The following SSH1 variants were observed in gnomAD, a reference collection of about 807,000 sequenced individuals.
SSH1 encodes slingshot protein phosphatase 1.
In SSH1, 43 loss-of-function variants were observed where a neutral mutation model predicts 79.7. The observed-to-expected ratio is 0.54, with a 90% CI of 0.42 to 0.70. The LOEUF is 0.70. Ranked by LOEUF, SSH1 falls within the 30% of genes least tolerant of loss-of-function variation. The pLI, the probability that SSH1 is intolerant of heterozygous loss-of-function variation, is 0.00. For missense variants in SSH1, 1,206 were observed against 1,358.8 expected, an observed-to-expected ratio of 0.89 and a Z score of 1.77; for synonymous variants, 599 against 538.3, an observed-to-expected ratio of 1.11 and a Z score of -1.56.
chr12:108,802,553 A>C (rs1274388312), intron 10 of SSH1, among the ~76,000 whole-genome samples, 185 bp from the exon 11 acceptor site: 1 of 152,052 alleles, frequency 6.6e-6, no homozygotes, highest in African/African-American at 2.4e-5. Flanking sequence ...TCAGAGCATG[A>C]GAGGAAGGGA....
rs758099368 is a variant in SSH1 at position 108,788,370 on chromosome 12, G to A, written c.2768C>T (p.Pro923Leu). The A allele has an allele frequency of 6.2e-6, 10 of 1,612,860 alleles. No individual in the cohort carries two copies. Among genetic ancestry groups the A allele is most frequent in the South Asian group, 2.2e-5 (2 of 91,046 alleles). ...GTTGGAGCTCATGGAAGAGGAGGTGGGGGTGTAGCAGATGGTCTTCAGAAA... is the reference window on the plus strand; with the variant it reads ...GTTGGAGCTCATGGAAGAGGAGGTGAGGGTGTAGCAGATGGTCTTCAGAAA... ...KDFLKTICYT[P>L]TSSSMSSNLT... The change falls in exon 15 of 15, where the codon CCC becomes CTC. Residue 923 changes from proline to leucine, a missense_variant. Pro to Leu is a moderately conservative substitution (Grantham distance 98). Coordinates refer to ENST00000326495, the MANE Select transcript of SSH1 (RefSeq NM_018984.4).
At chr12:108,811,508 C>T (rs1181484564) in intron 5 of SSH1, 180 bp from the exon 6 acceptor site, 1 of 668,368 alleles carries the variant, frequency 1.5e-6, no homozygotes, top group African/African-American at 1.8e-5. Context: ...GCCCTGTGGA[C>T]ACAACTCCGT....
intron 1 of SSH1, among the ~76,000 whole-genome samples, chr12:108,853,530 A>G (rs1207219325): frequency 6.6e-6 from 1 of 152,122 alleles, no homozygotes; most frequent in Non-Finnish European, 1.5e-5. Flanking sequence ...GACAGAAATG[A>G]GGCAGGAGCC....
chr12:108,812,945 C>T (rs1044163508), intron 5 of SSH1, among the ~76,000 whole-genome samples: 84 of 151,486 alleles, frequency 5.5e-4, no homozygotes, highest in African/African-American at 1.9e-3. Context: ...TCACTGCAGC[C>T]TCGACCTCCA....
At chr12:108,793,725 A>T (rs2036615221) in intron 13 of SSH1, among the ~76,000 whole-genome samples, 1 of 151,758 alleles carries the variant, frequency 6.6e-6, no homozygotes, top group Admixed American at 6.6e-5. Flanking sequence ...TGTAAGGCAT[A>T]AAAAAAAAGT....
In SSH1 at chr12:108,851,572, G is replaced by A. The variant is rs545765415; in HGVS notation, c.110+1066C>T. Among the ~76,000 whole-genome samples, 14 of 152,124 alleles carry A rather than the reference G, an allele frequency of 9.2e-5. No individual in the cohort carries two copies. The East Asian group carries it at 2.3e-3, about 25-fold the overall frequency. On this transcript the variant is annotated intron_variant, in intron 2 of 14. Coordinates refer to ENST00000326495, the MANE Select transcript of SSH1 (RefSeq NM_018984.4). ...AATACATGATATTAATATAACAAAG[G>A]GCTGAATCTTCCATAAATCAACAAA...
intron 2 of SSH1, among the ~76,000 whole-genome samples, chr12:108,838,157 A>G (rs542509025): frequency 1.3e-5 from 2 of 152,132 alleles, no homozygotes; most frequent in Non-Finnish European, 2.9e-5. Context: ...ATTTTTCTTT[A>G]TCGGTAGGTA....
chr12:108,784,020 G>A lies in SSH1; in HGVS notation c.*3968C>T, dbSNP rs2036202147. 1 of 152,234 alleles carries A rather than the reference G, an allele frequency of 6.6e-6. No individual in the cohort carries two copies. Among genetic ancestry groups the A allele is most frequent in the African/African-American group, 2.4e-5 (1 of 41,450 alleles). 9.4% of individuals were successfully genotyped at this position (152,234 alleles called of 1,614,324 possible). Reference sequence around the variant, plus strand: ...GCCCTGCTAGGTGGCCAGCCAATGAGAAGAGTTTTGGGCAAAATGTATTCT... The same window carrying A: ...GCCCTGCTAGGTGGCCAGCCAATGAAAAGAGTTTTGGGCAAAATGTATTCT... On this transcript the variant is annotated 3_prime_UTR_variant, in exon 15 of 15. Transcript: ENST00000326495.
chr12:108,825,995 C>CA, intron 2 of SSH1: 1 of 400,940 alleles, frequency 2.5e-6, no homozygotes, highest in South Asian at 1.8e-5. Flanking sequence ...GTTCCAAACT[C>CA]ATGAAACCTA....
chr12:108,826,808 C>A (rs544233391), intron 2 of SSH1, among the ~76,000 whole-genome samples: 2 of 152,314 alleles, frequency 1.3e-5, no homozygotes, highest in South Asian at 4.1e-4. Context: ...GGTGATGGCA[C>A]GCTCACTTTA....
chr12:108,853,389 T>C (rs1593139879), intron 1 of SSH1: 2 of 978,174 alleles, frequency 2.0e-6, no homozygotes, highest in Non-Finnish European at 2.4e-6. Context: ...AGGAAACACA[T>C]ACACACCCCC....
chr12:108,814,620 G>A (rs2037796703), intron 5 of SSH1, among the ~76,000 whole-genome samples: 1 of 152,194 alleles, frequency 6.6e-6, no homozygotes. Context: ...GTTCCCATCA[G>A]GCCCCTGCTC....
intron 14 of SSH1, chr12:108,792,006 A>G (rs1288687417): frequency 7.1e-7 from 1 of 1,401,928 alleles, no homozygotes. Context: ...TGAATAAGGT[A>G]CATGGGGTGA....
intron 13 of SSH1, among the ~76,000 whole-genome samples, chr12:108,795,984 T>TG (rs2036735248): frequency 6.6e-6 from 1 of 152,078 alleles, no homozygotes; most frequent in Non-Finnish European, 1.5e-5. Context: ...CATGGCTCAC[T>TG]GCGGTCTTGA....
Position 108,788,467 on chromosome 12 carries a change from C to T in SSH1, c.2671G>A (p.Glu891Lys). Reference protein sequence around the residue: ...EKSEAAPASLEGGSLKSPPPF... With the variant: ...EKSEAAPASLKGGSLKSPPPF... ...GGGGGGCTCTTCAGTGAGCCTCCTT[C>T]CAATGAAGCGGGGGCGGCCTCTGAC... The change falls in exon 15 of 15, where the codon GAA becomes AAA. Residue 891 changes from glutamate to lysine, a missense_variant. Glu to Lys is a moderately conservative substitution (Grantham distance 56, BLOSUM62 1). Coordinates refer to ENST00000326495, the MANE Select transcript of SSH1 (RefSeq NM_018984.4). The T allele has an allele frequency of 1.3e-6, 2 of 1,560,052 alleles. No individual in the cohort carries two copies. Among genetic ancestry groups the T allele is most frequent in the Non-Finnish European group, 1.7e-6 (2 of 1,155,620 alleles).
In SSH1 at chr12:108,783,745, A is replaced by G. The variant is rs1335043691; in HGVS notation, c.*4243T>C. ...CTTGACTCGGTTTCTATACTCAAAT[A>G]TACAGATGCAGAGTGAACTCAAACA... On this transcript the variant is annotated 3_prime_UTR_variant, in exon 15 of 15. Transcript: ENST00000326495. 2 of 152,250 alleles carry G rather than the reference A, an allele frequency of 1.3e-5. No homozygotes were observed. Among genetic ancestry groups the G allele is most frequent in the Non-Finnish European group, 2.9e-5 (2 of 68,050 alleles). 9.4% of individuals were successfully genotyped at this position (152,250 alleles called of 1,614,324 possible). A position where few individuals can be genotyped will look rare whatever the true frequency, so the allele number is the denominator to read the frequency against.
At chr12:108,823,140 A>C in intron 3 of SSH1, 118 bp downstream of exon 3, 1 of 992,618 alleles carries the variant, frequency 1.0e-6, no homozygotes, top group Admixed American at 2.0e-5. Context: ...TGGTCACTGC[A>C]AACCTGCGTC....
rs544863943 is a variant in SSH1, at chr12:108,840,802, A to G, written c.110+11836T>C. ...CTCTGCTCCTGGGGGCAGACGCGGC[A>G]GGCTAAGCCCTGCGGAGGAGGAGGT... On this transcript the variant is annotated intron_variant, in intron 2 of 14. Transcript: ENST00000326495. Among the ~76,000 whole-genome samples the G allele has an allele frequency of 9.3e-4, 141 of 152,310 alleles. 1 individual carries two copies. Among genetic ancestry groups the G allele is most frequent in the Non-Finnish European group, 1.5e-3 (99 of 68,008 alleles).
intron 9 of SSH1, 38 bp downstream of exon 9, chr12:108,806,263 T>A (rs752218864): frequency 2.5e-6 from 4 of 1,570,366 alleles, no homozygotes; most frequent in Non-Finnish European, 3.5e-6. Context: ...GGAGGCTGCA[T>A]GACCTCTGAC....
Sources: allele counts gnomAD v4.1 joint callset (sites outside exome capture counted in the v4.1 genomes callset), GRCh38; gene constraint gnomAD v4.1.1; transcripts MANE v1.5; gene names NCBI Gene and HGNC (gene_info 2026-07-23, HGNC 2026-07-21).